Variants in KIF26B observed in about 807,000 individuals in gnomAD.
KIF26B encodes the protein kinesin-like protein KIF26B.
A neutral mutation model predicts 151.2 loss-of-function variants in KIF26B; 63 were observed. The observed-to-expected ratio is 0.42, with a 90% CI of 0.34 to 0.51. KIF26B has a LOEUF of 0.51. KIF26B is among the 20% of genes least tolerant of loss of function. The probability of loss-of-function intolerance (pLI) is 0.07; values close to 1 mark genes in which losing one functional copy is unlikely to be tolerated. For missense variants in KIF26B, 2,813 were observed against 2,913.6 expected (o/e 0.97, Z 0.79); for synonymous variants, 1,357 against 1,262.1 (o/e 1.08, Z -1.59).
intron 2 of KIF26B, among the ~76,000 whole-genome samples, chr1:245,181,950 C>T (rs1056283802): frequency 6.6e-6 from 1 of 152,068 alleles, no homozygotes; most frequent in Non-Finnish European, 1.5e-5. Flanking sequence ...AGATCATTCC[C>T]TTCCAAAAAG....
chr1:245,642,198 C>T (rs1572174652), intron 9 of KIF26B, among the ~76,000 whole-genome samples: 1 of 152,294 alleles, frequency 6.6e-6, no homozygotes, highest in Non-Finnish European at 1.5e-5. Flanking sequence ...CCCAGCAGGT[C>T]TCTGCACAGG....
intron 3 of KIF26B, among the ~76,000 whole-genome samples, chr1:245,395,755 G>A (rs1430553631): frequency 3.3e-5 from 5 of 152,150 alleles, no homozygotes; most frequent in African/African-American, 2.4e-5. Flanking sequence ...CAGCCTACCC[G>A]TATGACATTG....
rs1174681216 is a variant in KIF26B at position 245,367,491 on chromosome 1, T to G, written c.999+124T>G. The G allele has an allele frequency of 1.1e-6, 1 of 934,604 alleles. No homozygotes were observed. The highest frequency in any genetic ancestry group is 1.6e-6 in the Non-Finnish European group (1 of 639,028). The allele number at this position is 934,604 out of a possible 1,614,324, so 57.9% of individuals were successfully genotyped here. ...TAACTCAGAGCCCAGTGTTTCCATGTGGCCCCCACAGAGTTCTCATCAAGG... is the reference window on the plus strand; with the variant it reads ...TAACTCAGAGCCCAGTGTTTCCATGGGGCCCCCACAGAGTTCTCATCAAGG... On this transcript the variant is annotated intron_variant, in intron 3 of 14. Transcript: ENST00000407071. The surrounding 1 kb of genome is among the most constrained non-coding windows in gnomAD (Gnocchi z 4.2).
rs1051572007 is a variant in KIF26B at position 245,420,591 on chromosome 1, C to T, written c.1166+846C>T. 6.6e-5 allele frequency among the ~76,000 whole-genome samples: 10 copies of T among 152,318 alleles called. No individual in the cohort carries two copies. In the East Asian group the frequency reaches 9.6e-4, roughly 15 times the overall value. On this transcript the variant is annotated intron_variant, in intron 4 of 14. Coordinates refer to ENST00000407071, the MANE Select transcript of KIF26B (RefSeq NM_018012.4). Reference sequence around the variant, plus strand: ...TAAGATTTGCAAGCTCCTGAGTAAACAGGACATAGAATAAATGCGATAGCA... The same window carrying T: ...TAAGATTTGCAAGCTCCTGAGTAAATAGGACATAGAATAAATGCGATAGCA...
chr1:245,421,062 AC>A (rs1658473317), intron 4 of KIF26B, among the ~76,000 whole-genome samples: 1 of 152,190 alleles, frequency 6.6e-6, no homozygotes, highest in Non-Finnish European at 1.5e-5. Context: ...TAGGCTGGCC[AC>A]CCAACAATGG....
chr1:245,610,982 C>T (rs1351343215), intron 8 of KIF26B, among the ~76,000 whole-genome samples: 1 of 152,108 alleles, frequency 6.6e-6, no homozygotes, highest in Admixed American at 6.5e-5. Context: ...ACATGAGTTG[C>T]CTTTTCTCCC....
chr1:245,623,648 C>T (rs78685253), intron 9 of KIF26B, among the ~76,000 whole-genome samples: 3,720 of 152,152 alleles, frequency 0.024, 171 homozygotes, highest in African/African-American at 0.084. Context: ...TACATCTGAC[C>T]GCATGTGACA....
chr1:245,453,495 C>T (rs1245488868), intron 4 of KIF26B, among the ~76,000 whole-genome samples: 20 of 152,162 alleles, frequency 1.3e-4, no homozygotes, highest in Non-Finnish European at 1.5e-5. Context: ...TTTCACCTTA[C>T]TATAGTCCCA....
intron 2 of KIF26B, chr1:245,283,095 C>A: frequency 6.0e-6 from 1 of 165,842 alleles, no homozygotes; most frequent in Non-Finnish European, 1.3e-5. Flanking sequence ...GCCATGGCTC[C>A]AGCCTGGCTC....
intron 12 of KIF26B, among the ~76,000 whole-genome samples, chr1:245,697,339 AAG>A (rs1403986474): frequency 2.0e-5 from 3 of 152,220 alleles, no homozygotes; most frequent in Non-Finnish European, 4.4e-5. Flanking sequence ...CTGTGAAAGA[AAG>A]AGGATAGATA....
rs1572099902 is a variant in KIF26B, at chr1:245,513,253, C to T, written c.1167-27514C>T. On this transcript the variant is annotated intron_variant, in intron 4 of 14. Coordinates refer to ENST00000407071, the MANE Select transcript of KIF26B (RefSeq NM_018012.4). ...CCCCCTCTAGAATCTCACGTGTTTT[C>T]GTGGAGGACCGAGAGTGCTTTTTAG... 2.9e-5 allele frequency among the ~76,000 whole-genome samples: 4 copies of T among 137,246 alleles called. No individual in the cohort carries two copies. In the South Asian group the frequency reaches 1.0e-3, roughly 36 times the overall value. The allele number at this position is 137,246 out of a possible 152,430, so 90.0% of individuals were successfully genotyped here.
intron 4 of KIF26B, among the ~76,000 whole-genome samples, chr1:245,474,013 G>A (rs1659974007): frequency 6.6e-6 from 1 of 151,724 alleles, no homozygotes; most frequent in African/African-American, 2.4e-5. Context: ...CTTTCTTTAT[G>A]CTAGAAACAT....
intron 4 of KIF26B, among the ~76,000 whole-genome samples, chr1:245,459,860 G>A (rs1659611293): frequency 1.3e-5 from 2 of 151,486 alleles, no homozygotes; most frequent in Non-Finnish European, 2.9e-5. Flanking sequence ...GCCACCCACT[G>A]AAAAATCATG....
chr1:245,587,486 T>C (rs988329795), intron 5 of KIF26B, among the ~76,000 whole-genome samples: 6 of 152,086 alleles, frequency 3.9e-5, no homozygotes, highest in Admixed American at 2.0e-4. Context: ...CTAGACTCAT[T>C]TGGGGAGTGG....
At chr1:245,464,120 C>T (rs1181655413) in intron 4 of KIF26B, among the ~76,000 whole-genome samples, 1 of 152,192 alleles carries the variant, frequency 6.6e-6, no homozygotes, top group Non-Finnish European at 1.5e-5. Flanking sequence ...GAGCCCAAGT[C>T]AAACACTATG....
chr1:245,191,530 A>T (rs1012967434), intron 2 of KIF26B, among the ~76,000 whole-genome samples: 1 of 152,190 alleles, frequency 6.6e-6, no homozygotes, highest in Non-Finnish European at 1.5e-5. Context: ...AGAAGGAAAT[A>T]TATGGATAAA....
At chr1:245,172,203 C>G (rs1039082246) in intron 2 of KIF26B, among the ~76,000 whole-genome samples, 2 of 151,366 alleles carry the variant, frequency 1.3e-5, no homozygotes, top group African/African-American at 2.5e-5. Context: ...CCCTCAAGTC[C>G]CTCCCAGTCT....
intron 2 of KIF26B, among the ~76,000 whole-genome samples, chr1:245,314,243 C>G (rs537438701): frequency 6.6e-6 from 1 of 151,858 alleles, no homozygotes; most frequent in Non-Finnish European, 1.5e-5. Context: ...AGGTCAGGAG[C>G]TTGAGACCAG....
chr1:245,436,135 T>TGC (rs1433653619), intron 4 of KIF26B, among the ~76,000 whole-genome samples: 3 of 150,286 alleles, frequency 2.0e-5, no homozygotes, highest in Admixed American at 6.6e-5. Context: ...TGAGATTGCG[T>TGC]CACTGCACTC....
Sources: allele counts gnomAD v4.1 joint callset (sites outside exome capture counted in the v4.1 genomes callset), GRCh38; gene constraint gnomAD v4.1.1; non-coding constraint Gnocchi (gnomAD v3.1); transcripts MANE v1.5; gene names NCBI Gene and HGNC (gene_info 2026-07-23, HGNC 2026-07-21).